NME9: variants seen among roughly 807,000 people sequenced by gnomAD.
NME9 encodes the protein NME/NM23 family member 9, also known as thioredoxin domain-containing protein 6.
Under a neutral mutation model 44.4 loss-of-function variants are expected in NME9, and 48 were observed. That is an observed-to-expected ratio of 1.08 (90% confidence interval 0.86 to 1.37). The LOEUF (loss-of-function observed/expected upper bound fraction) is 1.37. NME9 is among the 40% of genes most tolerant of loss of function. The pLI is 0.00. For missense variants in NME9, 325 were observed against 405.2 expected (o/e 0.80, Z 1.70); for synonymous variants, 139 against 147.1 (o/e 0.94, Z 0.40).
At chr3:138,298,303 A>T (rs2051661200), downstream of NME9, 1 of 152,242 alleles carries the variant, frequency 6.6e-6, no homozygotes, top group Non-Finnish European at 1.5e-5. Flanking sequence ...TATTCAGAAC[A>T]ATACATGTTC....
chr3:138,264,412 C>CTTTTTTTTTTTTTTTTTTTTTTTTTTTTT (rs11298899), intron 8 of NME9, among the ~76,000 whole-genome samples: 1 of 48,630 alleles, frequency 2.1e-5, no homozygotes. Flanking sequence ...GATTTTCTTT[C>CTTTTTTTTTTTTTTTTTTTTTTTTTTTTT]TTTTTTTTTT....
intron 4 of NME9, among the ~76,000 whole-genome samples, chr3:138,316,386 C>A (rs2053082370): frequency 6.6e-6 from 1 of 152,240 alleles, no homozygotes; most frequent in Non-Finnish European, 1.5e-5. Context: ...ATAGCTGCAG[C>A]CTTCATGAAT....
chr3:138,320,340 A>C lies in NME9; in HGVS notation c.92-759T>G, dbSNP rs1039394837. 3.3e-5 allele frequency among the ~76,000 whole-genome samples: 5 copies of C among 152,238 alleles called. 1 individual carries two copies. The highest frequency in any genetic ancestry group is 1.2e-4 in the African/African-American group (5 of 41,468). On this transcript the variant is annotated intron_variant, in intron 2 of 10. Transcript: ENST00000333911. ...GCTAGATGGTGACATACCAGTGGCC[A>C]TATTTTAGAAGAGGGATATCTGCCA... is the stretch of plus-strand genomic sequence containing the variant.
intron 8 of NME9, chr3:138,263,524 T>TA (rs1350779370): frequency 8.5e-6 from 5 of 586,506 alleles, no homozygotes; most frequent in South Asian, 4.0e-5. Flanking sequence ...ACCTGCCCCT[T>TA]ACGCCTGTCA....
intron 8 of NME9, chr3:138,287,565 A>G: frequency 2.2e-6 from 1 of 453,528 alleles, no homozygotes; most frequent in South Asian, 1.6e-5. Flanking sequence ...AAGCTCATTT[A>G]TTCAACAAAT....
chr3:138,272,960 CT>C, intron 8 of NME9: 2 of 1,558,732 alleles, frequency 1.3e-6, no homozygotes, highest in Non-Finnish European at 1.7e-6. Flanking sequence ...TTCTTTAATC[CT>C]TTCAGAATAT....
intron 4 of NME9, among the ~76,000 whole-genome samples, chr3:138,315,998 AT>A (rs1312897690): frequency 6.6e-6 from 1 of 151,932 alleles, no homozygotes; most frequent in African/African-American, 2.4e-5. Flanking sequence ...TGCCCGGCTA[AT>A]TTTTTTGTAT....
At chr3:138,274,223 G>A (rs2049051630) in intron 8 of NME9, among the ~76,000 whole-genome samples, 1 of 145,732 alleles carries the variant, frequency 6.9e-6, no homozygotes, top group Non-Finnish European at 1.5e-5. Context: ...TATGTGTAAT[G>A]TGTATATACA....
intron 8 of NME9, among the ~76,000 whole-genome samples, chr3:138,276,148 T>C (rs557717423): frequency 2.0e-5 from 3 of 152,318 alleles, no homozygotes; most frequent in Admixed American, 2.0e-4. Flanking sequence ...ACAAAGGAAC[T>C]TTCTCATACA....
downstream of NME9, chr3:138,296,130 A>G: frequency 2.2e-6 from 1 of 453,264 alleles, no homozygotes; most frequent in South Asian, 3.2e-5. Context: ...AGCTACTCGG[A>G]CTCTTTATTA....
intron 4 of NME9, 128 bp from the exon 5 acceptor site, chr3:138,315,771 C>T: frequency 1.5e-6 from 1 of 677,770 alleles, no homozygotes; most frequent in Non-Finnish European, 2.5e-6. Context: ...GCAGCGTGCT[C>T]ACTTCTGCTG....
In NME9 at chr3:138,301,548, A is replaced by G; in HGVS notation, c.*92T>C. On this transcript the variant is annotated 3_prime_UTR_variant, in exon 11 of 11. Transcript: ENST00000333911. Reference sequence around the variant, plus strand: ...ACAAAAGACAGCTAAACCAAAAAGTATTGGTACTCAAAAGAGTAAGTTCCG... The same window carrying G: ...ACAAAAGACAGCTAAACCAAAAAGTGTTGGTACTCAAAAGAGTAAGTTCCG... 3 of 1,508,034 alleles carry G rather than the reference A, an allele frequency of 2.0e-6. No individual in the cohort carries two copies. Among genetic ancestry groups the G allele is most frequent in the Non-Finnish European group, 2.6e-6 (3 of 1,133,842 alleles). The allele number at this position is 1,508,034 out of a possible 1,614,324, so 93.4% of individuals were successfully genotyped here.
At chr3:138,263,641 G>A (rs932633697) in intron 8 of NME9, 8 of 1,114,580 alleles carry the variant, frequency 7.2e-6, no homozygotes, top group African/African-American at 1.5e-5. Context: ...CAAAAACAAC[G>A]TTAAACTTTT....
chr3:138,268,654 T>C (rs1403231988), intron 8 of NME9, among the ~76,000 whole-genome samples: 1 of 152,132 alleles, frequency 6.6e-6, no homozygotes, highest in African/African-American at 2.4e-5. Context: ...CACACACCTG[T>C]AGTTCTAGCT....
downstream of NME9, chr3:138,296,881 T>C (rs1429742162): frequency 6.6e-6 from 1 of 152,170 alleles, no homozygotes; most frequent in Non-Finnish European, 1.5e-5. Flanking sequence ...GTATTAGCAA[T>C]ATCTGGCCAG....
rs1273497051 is a variant in NME9 at position 138,315,529 on chromosome 3, C to G, written c.382G>C (p.Val128Leu). Residue 128 changes from valine to leucine, a missense_variant and splice_region_variant, in exon 5 of 11, where the codon GTG becomes CTG. Transcript: ENST00000333911. ...TTATAGAAGTGACCTCCAGTTACCA[C>G]TTTCCGTTCTCTGCCTTCAGCCAGC... The part of the protein sequence containing the change: ...KVLAEGRERK[V>L]IKDEALSDED... 1 of 1,535,870 alleles carries G rather than the reference C, an allele frequency of 6.5e-7. No individual in the cohort carries two copies. Among genetic ancestry groups the G allele is most frequent in the East Asian group, 2.4e-5 (1 of 40,912 alleles).
At chr3:138,280,110 G>T (rs1039586297) in intron 8 of NME9, among the ~76,000 whole-genome samples, 5 of 151,940 alleles carry the variant, frequency 3.3e-5, no homozygotes, top group African/African-American at 4.8e-5. Context: ...CACCATGTTG[G>T]CCAGGCTGGG....
In NME9 at chr3:138,295,743, A is replaced by G. The variant is rs975635211; in HGVS notation, c.745+7764T>C. On this transcript the variant is annotated intron_variant, in intron 8 of 8. Coordinates refer to the NME9 transcript ENST00000317876. Reference sequence around the variant, plus strand: ...TAGGTGCCCACCTGGGCTCACCCCAATTCCCTCTGGAGATTTACTTTTTTA... The same window carrying G: ...TAGGTGCCCACCTGGGCTCACCCCAGTTCCCTCTGGAGATTTACTTTTTTA... The G allele has an allele frequency of 5.7e-5, 68 of 1,200,006 alleles. No homozygotes were observed. In the East Asian group the frequency reaches 6.2e-4, roughly 11 times the overall value. 74.3% of individuals were successfully genotyped at this position (1,200,006 alleles called of 1,614,324 possible).
At position 138,329,469 on chromosome 3, in the gene NME9, C is replaced by T. The variant is rs2053992791; in HGVS notation, c.-134G>A. ...AGCCCCCCTCCTACGGCCCCCGGCC[C>T]CTTTTTAAGGTGCTTCTAACTGGCG... is the stretch of plus-strand genomic sequence containing the variant. On this transcript the variant is annotated 5_prime_UTR_variant, in exon 1 of 11. Coordinates refer to ENST00000333911, the MANE Select transcript of NME9 (RefSeq NM_001349018.2). 1 of 1,489,500 alleles carries T rather than the reference C, an allele frequency of 6.7e-7. No homozygotes were observed. The highest frequency in any genetic ancestry group is 8.9e-7 in the Non-Finnish European group (1 of 1,125,770). The allele number at this position is 1,489,500 out of a possible 1,614,324, so 92.3% of individuals were successfully genotyped here. A position where few individuals can be genotyped will look rare whatever the true frequency, so the allele number is the denominator to read the frequency against.
Sources: gnomAD v4.1 joint callset for allele counts (sites outside exome capture counted in the v4.1 genomes callset) on GRCh38, gnomAD v4.1.1 for gene constraint, MANE v1.5 for transcripts, NCBI Gene and HGNC (gene_info 2026-07-23, HGNC 2026-07-21) for gene names.